The following LEP variants were observed in gnomAD, a reference collection of about 807,000 sequenced individuals.
The protein encoded by LEP is leptin (murine obesity homolog).
Under a neutral mutation model 9.8 loss-of-function variants are expected in LEP, and 6 were observed. The observed-to-expected ratio is 0.61, with a 90% CI of 0.34 to 1.21. LEP has a LOEUF of 1.21. Ranked by LOEUF, LEP falls within the 50% of genes most tolerant of loss-of-function variation. The pLI is 0.04. For missense variants in LEP, 134 were observed against 198.1 expected, an observed-to-expected ratio of 0.68 and a Z score of 1.94; for synonymous variants, 112 against 81.7, an observed-to-expected ratio of 1.37 and a Z score of -2.00.
At chr7:128,242,247 C>A (rs995032505) in intron 1 of LEP, among the ~76,000 whole-genome samples, 22 of 152,154 alleles carry the variant, frequency 1.4e-4, no homozygotes, top group African/African-American at 4.6e-4. Context: ...GAAGGGTGAT[C>A]TTTGGGGAGG....
intron 1 of LEP, among the ~76,000 whole-genome samples, chr7:128,248,058 C>T (rs1795231980): frequency 2.0e-5 from 3 of 152,136 alleles, no homozygotes; most frequent in South Asian, 2.1e-4. Context: ...TTTGGGAGGC[C>T]GAGGTGGGCA....
At position 128,242,536 on chromosome 7, in the gene LEP, C is replaced by T. The variant is rs572430608; in HGVS notation, c.-29+1230C>T. Among the ~76,000 whole-genome samples the T allele has an allele frequency of 2.6e-5, 4 of 152,284 alleles. No individual in the cohort carries two copies. The South Asian group carries it at 6.2e-4, about 24-fold the overall frequency. On this transcript the variant is annotated intron_variant, in intron 1 of 2. Transcript: ENST00000308868. ...CATTTCTCTCACTTAGGCAGGGAGACAAGGCAAGAGAGAAACAGTGGATGC... is the reference window on the plus strand; with the variant it reads ...CATTTCTCTCACTTAGGCAGGGAGATAAGGCAAGAGAGAAACAGTGGATGC...
rs1271458552 is a variant in LEP, at chr7:128,257,297, G to A, written c.*2534G>A. ...AAAAAAAAAAAAAGTTTGGCCGGGT[G>A]CGGTGGCTCACGCCTGTAATCCCAG... On this transcript the variant is annotated 3_prime_UTR_variant, in exon 3 of 3. Coordinates refer to ENST00000308868, the MANE Select transcript of LEP (RefSeq NM_000230.3). 1 of 151,700 alleles carries A rather than the reference G, an allele frequency of 6.6e-6. No homozygotes were observed. Among genetic ancestry groups the A allele is most frequent in the Non-Finnish European group, 1.5e-5 (1 of 67,936 alleles). 9.4% of individuals were successfully genotyped at this position (151,700 alleles called of 1,614,324 possible). A position where few individuals can be genotyped will look rare whatever the true frequency, so the allele number is the denominator to read the frequency against.
Position 128,256,280 on chromosome 7 carries a change from A to C in LEP, c.*1517A>C, listed in dbSNP as rs1795338948. 1 of 152,660 alleles carries C rather than the reference A, an allele frequency of 6.6e-6. No individual in the cohort carries two copies. The highest frequency in any genetic ancestry group is 2.4e-5 in the African/African-American group (1 of 41,444). The allele number at this position is 152,660 out of a possible 1,614,324, so 9.5% of individuals were successfully genotyped here. On this transcript the variant is annotated 3_prime_UTR_variant, in exon 3 of 3. Coordinates refer to ENST00000308868, the MANE Select transcript of LEP (RefSeq NM_000230.3). ...GAGGTCACATTCAGGAAGATGAAAG[A>C]GGAGGTTTGGGGTCTGCCACCATCC...
chr7:128,250,595 G>A (rs1349398), intron 1 of LEP, among the ~76,000 whole-genome samples: 151,648 of 152,286 alleles, frequency 1, 75,510 homozygotes, highest in East Asian at 1. Flanking sequence ...TCTCTTCTGT[G>A]AAATTCAGAT....
rs1203819487 is a variant in LEP at position 128,254,523 on chromosome 7, T to C, written c.264T>C (p.Ser88=). Residue 88 remains serine, a synonymous_variant, in exon 3 of 3, where the codon AGT becomes AGC. Coordinates refer to ENST00000308868, the MANE Select transcript of LEP (RefSeq NM_000230.3). ...CAGTCTACCAACAGATCCTCACCAG[T>C]ATGCCTTCCAGAAACGTGATCCAAA... The part of the protein sequence containing the change: ...TLAVYQQILT[S]MPSRNVIQIS... 2.5e-6 allele frequency: 4 copies of C among 1,614,026 alleles called. No individual in the cohort carries two copies. Among genetic ancestry groups the C allele is most frequent in the Admixed American group, 3.3e-5 (2 of 60,016 alleles).
intron 2 of LEP, among the ~76,000 whole-genome samples, 156 bp from the exon 3 acceptor site, chr7:128,254,248 G>C (rs557400748): frequency 1.3e-5 from 2 of 152,184 alleles, no homozygotes; most frequent in Non-Finnish European, 2.9e-5. Context: ...GCAGTCACCT[G>C]GGTGCAGGAT....
intron 1 of LEP, among the ~76,000 whole-genome samples, chr7:128,250,742 C>A (rs1432259124): frequency 6.6e-6 from 1 of 152,140 alleles, no homozygotes. Context: ...TCATCAAGAC[C>A]CAGACGAGGA....
In LEP at chr7:128,257,589, T is replaced by A. The variant is rs1795357723; in HGVS notation, c.*2826T>A. On this transcript the variant is annotated 3_prime_UTR_variant, in exon 3 of 3. Coordinates refer to ENST00000308868, the MANE Select transcript of LEP (RefSeq NM_000230.3). ...TCTTAAAAAAAAAAAAAAAAAAGTTTGTTTTTAAAAAAATCTAAATAAAAT... is the reference window on the plus strand; with the variant it reads ...TCTTAAAAAAAAAAAAAAAAAAGTTAGTTTTTAAAAAAATCTAAATAAAAT... 7.0e-6 allele frequency: 1 copy of A among 142,566 alleles called. No homozygotes were observed. The allele number at this position is 142,566 out of a possible 1,614,324, so 8.8% of individuals were successfully genotyped here.
Position 128,250,760 on chromosome 7 carries a change from G to A in LEP, c.-28-1231G>A, listed in dbSNP as rs74423439. Among the ~76,000 whole-genome samples, 655 of 152,216 alleles carry A rather than the reference G, an allele frequency of 4.3e-3. 13 individuals carry two copies. Among genetic ancestry groups the A allele is most frequent in the Admixed American group, 0.029 (445 of 15,288 alleles). ...TCAAGACCCAGACGAGGAAGAACAC[G>A]AAAAGCGGAGATTAATTTTACTGCC... On this transcript the variant is annotated intron_variant, in intron 1 of 2. Transcript: ENST00000308868.
chr7:128,246,445 C>T (rs1795212050), intron 1 of LEP, among the ~76,000 whole-genome samples: 1 of 152,032 alleles, frequency 6.6e-6, no homozygotes, highest in African/African-American at 2.4e-5. Context: ...GAGATTGTTT[C>T]ATTATCTTTT....
At chr7:128,245,930 T>C (rs1795205534) in intron 1 of LEP, among the ~76,000 whole-genome samples, 1 of 151,660 alleles carries the variant, frequency 6.6e-6, no homozygotes, top group African/African-American at 2.4e-5. Flanking sequence ...GGTGCGGTGG[T>C]GGGCGCCTGT....
intron 1 of LEP, among the ~76,000 whole-genome samples, chr7:128,245,254 T>G (rs767828879): frequency 1.3e-5 from 2 of 152,178 alleles, no homozygotes; most frequent in Non-Finnish European, 2.9e-5. Context: ...CTCTTTCCCC[T>G]GGGGAACGCC....
chr7:128,243,095 C>T (rs1334193911), intron 1 of LEP, among the ~76,000 whole-genome samples: 2 of 152,240 alleles, frequency 1.3e-5, no homozygotes, highest in African/African-American at 4.8e-5. Context: ...TTTGTCCACA[C>T]AGTTGTCTCA....
chr7:128,252,654 C>G (rs1212509459), intron 2 of LEP, among the ~76,000 whole-genome samples: 1 of 152,026 alleles, frequency 6.6e-6, no homozygotes, highest in African/African-American at 2.4e-5. Flanking sequence ...TCACCTGAGC[C>G]TGGGAGGTTG....
intron 1 of LEP, among the ~76,000 whole-genome samples, chr7:128,244,736 C>T (rs915051147): frequency 2.0e-5 from 3 of 152,174 alleles, no homozygotes; most frequent in South Asian, 2.1e-4. Flanking sequence ...GGAGCACAGG[C>T]GGTGACCATA....
At chr7:128,254,046 G>A (rs1208178708) in intron 2 of LEP, among the ~76,000 whole-genome samples, 3 of 152,298 alleles carry the variant, frequency 2.0e-5, no homozygotes, top group Middle Eastern at 3.4e-3. Context: ...GGGAAGGCTG[G>A]GGGTGGGGGT....
At position 128,257,348 on chromosome 7, in the gene LEP, A is replaced by T. The variant is rs1584609798; in HGVS notation, c.*2585A>T. ...CACTTTGGGAGGCCAAGGTGGGGGG[A>T]TCACAAGGTCACTAGATGGCGAGCA... On this transcript the variant is annotated 3_prime_UTR_variant, in exon 3 of 3. Coordinates refer to ENST00000308868, the MANE Select transcript of LEP (RefSeq NM_000230.3). 1 of 150,946 alleles carries T rather than the reference A, an allele frequency of 6.6e-6. No individual in the cohort carries two copies. The highest frequency in any genetic ancestry group is 2.1e-4 in the South Asian group (1 of 4,790). 9.4% of individuals were successfully genotyped at this position (150,946 alleles called of 1,614,324 possible).
intron 1 of LEP, among the ~76,000 whole-genome samples, chr7:128,243,057 C>T (rs1311413544): frequency 6.6e-6 from 1 of 152,238 alleles, no homozygotes; most frequent in Non-Finnish European, 1.5e-5. Flanking sequence ...CCATTCTGGC[C>T]AGTCGGCAGA....
Sources: gnomAD v4.1 joint callset for allele counts (sites outside exome capture counted in the v4.1 genomes callset) on GRCh38, gnomAD v4.1.1 for gene constraint, MANE v1.5 for transcripts, NCBI Gene and HGNC (gene_info 2026-07-23, HGNC 2026-07-21) for gene names.